The following USP10 variants were observed in gnomAD, a reference collection of about 807,000 sequenced individuals.
USP10 encodes ubiquitin carboxyl-terminal hydrolase 10.
Under a neutral mutation model 84.5 loss-of-function variants are expected in USP10, and 22 were observed. The observed-to-expected ratio is 0.26, with a 90% CI of 0.19 to 0.37. The LOEUF is 0.37. Ranked by LOEUF, USP10 falls within the 10% of genes least tolerant of loss-of-function variation. USP10 has a pLI of 1.00. For missense variants in USP10, 1,019 were observed against 998.9 expected, an observed-to-expected ratio of 1.02 and a Z score of -0.27; for synonymous variants, 454 against 387.6, an observed-to-expected ratio of 1.17 and a Z score of -2.01.
intron 4 of USP10, among the ~76,000 whole-genome samples, chr16:84,750,476 T>G (rs1169787643): frequency 6.6e-6 from 1 of 152,054 alleles, no homozygotes; most frequent in African/African-American, 2.4e-5. Flanking sequence ...ACACCCTTGT[T>G]AAGAGTGAGT....
chr16:84,740,705 A>G (rs891310591), intron 3 of USP10, among the ~76,000 whole-genome samples: 1 of 152,358 alleles, frequency 6.6e-6, no homozygotes. Context: ...GTTGCTAAGC[A>G]GCCTGCTGGC....
Position 84,772,403 on chromosome 16 carries a change from C to T in USP10, c.1999-138C>T. On this transcript the variant is annotated intron_variant, in intron 11 of 13. Transcript: ENST00000219473. ...GGTAGATCTCAGAGCTTCTGTGGGG[C>T]AGGAAAAGCCATGAAGTCCTGCCAC... The T allele has an allele frequency of 3.4e-6, 4 of 1,171,478 alleles. No homozygotes were observed. In the Admixed American group the frequency reaches 6.5e-5, roughly 19 times the overall value. 72.6% of individuals were successfully genotyped at this position (1,171,478 alleles called of 1,614,324 possible).
At chr16:84,762,606 G>A (rs1034836659) in intron 8 of USP10, among the ~76,000 whole-genome samples, 4 of 151,708 alleles carry the variant, frequency 2.6e-5, no homozygotes, top group South Asian at 2.1e-4. Flanking sequence ...CAGGAGAATC[G>A]CTTGAACCCG....
intron 1 of USP10, among the ~76,000 whole-genome samples, chr16:84,723,894 C>T (rs189175865): frequency 6.6e-6 from 1 of 152,184 alleles, no homozygotes; most frequent in African/African-American, 2.4e-5. Flanking sequence ...TTTTGTTCGT[C>T]CTTGGCCCCA....
chr16:84,725,628 T>C (rs1820246), intron 1 of USP10, among the ~76,000 whole-genome samples: 44,225 of 152,026 alleles, frequency 0.29, 8,015 homozygotes, highest in Non-Finnish European at 0.42. Context: ...GTTCTCTGAC[T>C]CCTGACCTCA....
intron 4 of USP10, among the ~76,000 whole-genome samples, chr16:84,748,730 A>C (rs566969073): frequency 1.3e-5 from 2 of 152,332 alleles, no homozygotes; most frequent in South Asian, 2.1e-4. Context: ...AGAACATTCT[A>C]CTTAGTCATA....
At chr16:84,768,477 A>G in intron 11 of USP10, 119 bp downstream of exon 11, 1 of 968,712 alleles carries the variant, frequency 1.0e-6, no homozygotes, top group East Asian at 2.8e-5. Context: ...CAGTTGCTTA[A>G]CCATTTTGTA....
At chr16:84,754,174 T>C (rs558465417) in intron 4 of USP10, among the ~76,000 whole-genome samples, 22 of 152,228 alleles carry the variant, frequency 1.4e-4, no homozygotes, top group Non-Finnish European at 7.4e-5. Context: ...GTGGAGACAG[T>C]GTGGAGAATC....
rs1287646717 is a variant in USP10, at chr16:84,745,646, G to C, written c.1165G>C (p.Glu389Gln). 1.9e-6 allele frequency: 3 copies of C among 1,612,052 alleles called. No homozygotes were observed. The highest frequency in any genetic ancestry group is 1.3e-5 in the African/African-American group (1 of 74,898). ...EVKEGLVPVSEDPVAIKIAEL... is the reference protein window; with the variant it reads ...EVKEGLVPVSQDPVAIKIAEL... Reference sequence around the variant, plus strand: ...CAAAGAAGGGCTTGTTCCGGTTTCAGAGGATCCTGTAGCCATAAAGATTGC... The same window carrying C: ...CAAAGAAGGGCTTGTTCCGGTTTCACAGGATCCTGTAGCCATAAAGATTGC... The change falls in exon 4 of 14, where the codon GAG becomes CAG. Residue 389 changes from glutamate (E) to glutamine (Q), a missense_variant. Glu to Gln is a conservative substitution (Grantham distance 29). Coordinates refer to ENST00000219473, the MANE Select transcript of USP10 (RefSeq NM_005153.3).
rs898384032 is a variant in USP10, at chr16:84,700,499, A to G, written c.21+388A>G. On this transcript the variant is annotated intron_variant, in intron 1 of 13. Transcript: ENST00000219473. ...GGGCTCCGGGAGTCCCCTGGAGCGCAGGGGCCCCAGAGCAGCTCAGGTTGC... is the reference window on the plus strand; with the variant it reads ...GGGCTCCGGGAGTCCCCTGGAGCGCGGGGGCCCCAGAGCAGCTCAGGTTGC... Among the ~76,000 whole-genome samples the G allele has an allele frequency of 3.9e-5, 6 of 152,074 alleles. No homozygotes were observed. The East Asian group carries it at 1.2e-3, about 30-fold the overall frequency.
At chr16:84,700,283 C>A (rs1294594777) in intron 1 of USP10, among the ~76,000 whole-genome samples, 172 bp downstream of exon 1, 1 of 151,800 alleles carries the variant, frequency 6.6e-6, no homozygotes, top group Non-Finnish European at 1.5e-5. Context: ...CCGCGCCCGC[C>A]GCGCCTTCGT....
At chr16:84,719,952 G>A (rs759544600) in intron 1 of USP10, among the ~76,000 whole-genome samples, 4 of 152,188 alleles carry the variant, frequency 2.6e-5, no homozygotes, top group Non-Finnish European at 5.9e-5. Context: ...TCAACAGATA[G>A]TAATTTTGCA....
At position 84,764,186 on chromosome 16, in the gene USP10, C is replaced by G. The variant is rs533711849; in HGVS notation, c.1755C>G (p.Pro585=). The change falls in exon 10 of 14, where the codon CCC becomes CCG. Residue 585 remains proline, a synonymous_variant. Coordinates refer to ENST00000219473, the MANE Select transcript of USP10 (RefSeq NM_005153.3). ...AGGATGAATGGGAACAAGTGGGCCC[C>G]CGGAACAAGACTTCCGTCACCCGCC... The part of the protein sequence containing the change: ...GSEDEWEQVG[P]RNKTSVTRQA... 2 of 1,613,990 alleles carry G rather than the reference C, an allele frequency of 1.2e-6. No homozygotes were observed. The highest frequency in any genetic ancestry group is 2.2e-5 in the South Asian group (2 of 91,086).
chr16:84,751,810 C>G (rs1480746025), intron 4 of USP10, among the ~76,000 whole-genome samples: 1 of 152,168 alleles, frequency 6.6e-6, no homozygotes, highest in African/African-American at 2.4e-5. Flanking sequence ...AATCAGAGTT[C>G]TGTACCTTGC....
intron 1 of USP10, among the ~76,000 whole-genome samples, chr16:84,723,336 A>G (rs1186615828): frequency 6.6e-6 from 1 of 152,200 alleles, no homozygotes; most frequent in Non-Finnish European, 1.5e-5. Context: ...TTTAAAATAT[A>G]AGTTTAAGTG....
rs561465485 is a variant in USP10, at chr16:84,706,024, C to G, written c.21+5913C>G. On this transcript the variant is annotated intron_variant, in intron 1 of 13. Coordinates refer to ENST00000219473, the MANE Select transcript of USP10 (RefSeq NM_005153.3). ...GGCATGAGCCACTGCCCCCAGCATCCCTACTCATTCTTTGAAAAAAACAAT... is the reference window on the plus strand; with the variant it reads ...GGCATGAGCCACTGCCCCCAGCATCGCTACTCATTCTTTGAAAAAAACAAT... Among the ~76,000 whole-genome samples, 3 of 152,144 alleles carry G rather than the reference C, an allele frequency of 2.0e-5. No individual in the cohort carries two copies. The East Asian group carries it at 5.8e-4, about 29-fold the overall frequency.
chr16:84,759,858 C>T, intron 6 of USP10, 33 bp from the exon 7 acceptor site: 1 of 1,602,476 alleles, frequency 6.2e-7, no homozygotes, highest in Non-Finnish European at 8.5e-7. Flanking sequence ...TTGTTTAAAA[C>T]TGCACTATTT....
At chr16:84,772,223 G>T (rs143535161) in intron 11 of USP10, among the ~76,000 whole-genome samples, 1 of 152,052 alleles carries the variant, frequency 6.6e-6, no homozygotes, top group Non-Finnish European at 1.5e-5. Context: ...GGCTAATTTT[G>T]TATTTTTAGT....
rs1373611245 is a variant in USP10, at chr16:84,700,101, A to G, written c.11A>G (p.His4Arg). The G allele has an allele frequency of 2.9e-6, 4 of 1,358,138 alleles. No individual in the cohort carries two copies. Among genetic ancestry groups the G allele is most frequent in the South Asian group, 2.8e-5 (2 of 71,092 alleles). The allele number at this position is 1,358,138 out of a possible 1,614,324, so 84.1% of individuals were successfully genotyped here. A position where few individuals can be genotyped will look rare whatever the true frequency, so the allele number is the denominator to read the frequency against. Residue 4 changes from histidine (H) to arginine (R), a missense_variant, in exon 1 of 14, where the codon CAC becomes CGC. His to Arg is a conservative substitution (Grantham distance 29). Coordinates refer to ENST00000219473, the MANE Select transcript of USP10 (RefSeq NM_005153.3). MAL[H>R]SPQYIFGDFS... ...ATGAAACGGGCAGCCATGGCCCTCC[A>G]CAGCCCGCAGGTAGCCGCCGGTCTG... is the stretch of plus-strand genomic sequence containing the variant.
Sources: gnomAD v4.1 joint callset for allele counts (sites outside exome capture counted in the v4.1 genomes callset) on GRCh38, gnomAD v4.1.1 for gene constraint, MANE v1.5 for transcripts, NCBI Gene and HGNC (gene_info 2026-07-23, HGNC 2026-07-21) for gene names.